CACNB2: variants seen among roughly 807,000 people sequenced by gnomAD.
CACNB2 encodes calcium voltage-gated channel auxiliary subunit beta 2.
In CACNB2, 42 loss-of-function variants were observed where a neutral mutation model predicts 73.3. That is an observed-to-expected ratio of 0.57 (90% CI 0.45 to 0.74). CACNB2 has a LOEUF of 0.74. Ranked by LOEUF, CACNB2 falls within the 30% of genes least tolerant of loss-of-function variation. The pLI, the probability that CACNB2 is intolerant of heterozygous loss-of-function variation, is 0.00. For synonymous variants in CACNB2, 348 were observed against 310.3 expected (o/e 1.12, Z -1.28); for missense variants, 940 against 853.0 (o/e 1.10, Z -1.27).
chr10:18,448,378 G>T (rs1038177325), intron 3 of CACNB2, among the ~76,000 whole-genome samples: 2 of 151,336 alleles, frequency 1.3e-5, no homozygotes, highest in Admixed American at 1.3e-4. Flanking sequence ...GGAGCTCTGA[G>T]GCAGGAGAAT....
intron 3 of CACNB2, among the ~76,000 whole-genome samples, chr10:18,455,490 TTC>T (rs1445809722): frequency 2.0e-5 from 3 of 152,350 alleles, no homozygotes; most frequent in African/African-American, 7.2e-5. Flanking sequence ...TGGAGGTTAA[TTC>T]TGTTGGGAAC....
intron 3 of CACNB2, among the ~76,000 whole-genome samples, chr10:18,471,286 A>G (rs1202714276): frequency 6.6e-6 from 1 of 152,230 alleles, no homozygotes; most frequent in Non-Finnish European, 1.5e-5. Flanking sequence ...AGCCTGGGCA[A>G]CAAGAGTGAA....
At chr10:18,458,800 C>T (rs1350693079) in intron 3 of CACNB2, among the ~76,000 whole-genome samples, 2 of 139,482 alleles carry the variant, frequency 1.4e-5, no homozygotes, top group Non-Finnish European at 3.0e-5. Flanking sequence ...GAGTCTCACT[C>T]TGTTGCCTAG....
At chr10:18,448,604 T>C (rs919752711) in intron 3 of CACNB2, among the ~76,000 whole-genome samples, 5 of 152,110 alleles carry the variant, frequency 3.3e-5, no homozygotes, top group African/African-American at 7.2e-5. Context: ...AGAGTCTCTG[T>C]TCATCAGAAA....
At chr10:18,442,044 C>G (rs143046023) in intron 3 of CACNB2, among the ~76,000 whole-genome samples, 193 of 152,256 alleles carry the variant, frequency 1.3e-3, no homozygotes, top group African/African-American at 4.4e-3. Context: ...TAGAACTTTC[C>G]TTGATTGAAA....
At chr10:18,517,332 CA>C (rs1412926020) in intron 7 of CACNB2, among the ~76,000 whole-genome samples, 3 of 152,068 alleles carry the variant, frequency 2.0e-5, no homozygotes, top group Admixed American at 6.5e-5. Context: ...TTTATGCTAT[CA>C]AAAGAGCCAA....
At chr10:18,149,428 G>C (rs1487968278) in intron 1 of CACNB2, among the ~76,000 whole-genome samples, 1 of 152,300 alleles carries the variant, frequency 6.6e-6, no homozygotes, top group East Asian at 1.9e-4. Context: ...ATGAAGTTGA[G>C]AGTTAATTAA....
At chr10:18,463,712 G>A (rs1176959640) in intron 3 of CACNB2, among the ~76,000 whole-genome samples, 1 of 151,958 alleles carries the variant, frequency 6.6e-6, no homozygotes, top group East Asian at 1.9e-4. Context: ...ATTAGAGGTG[G>A]GAGCCACCGT....
chr10:18,514,520 A>C (rs1204954300), intron 7 of CACNB2, 151 bp downstream of exon 7: 1 of 1,613,842 alleles, frequency 6.2e-7, no homozygotes, highest in Non-Finnish European at 8.5e-7. Context: ...GCTAAGCAGA[A>C]GCAGAAATCG....
At chr10:18,310,605 C>CAAAAAAAAAAAAA (rs1157466238) in intron 2 of CACNB2, among the ~76,000 whole-genome samples, 18 of 36,854 alleles carry the variant, frequency 4.9e-4, no homozygotes, top group East Asian at 2.5e-3. Context: ...AACTCCATCT[C>CAAAAAAAAAAAAA]AAAAAAAAAA....
intron 3 of CACNB2, among the ~76,000 whole-genome samples, chr10:18,491,382 A>G (rs568373864): frequency 1.2e-4 from 18 of 152,318 alleles, no homozygotes; most frequent in African/African-American, 4.3e-4. Context: ...CCAGGAGTTC[A>G]AGACCAGCCT....
chr10:18,291,317 C>T (rs2039059947), intron 2 of CACNB2, among the ~76,000 whole-genome samples: 2 of 152,216 alleles, frequency 1.3e-5, no homozygotes, highest in Non-Finnish European at 2.9e-5. Flanking sequence ...TAAGTGGTAG[C>T]TACCAAGCTT....
intron 2 of CACNB2, among the ~76,000 whole-genome samples, chr10:18,179,437 T>C (rs2033766357): frequency 6.6e-6 from 1 of 152,204 alleles, no homozygotes; most frequent in Admixed American, 6.5e-5. Flanking sequence ...TCTTTCCATT[T>C]AGTCTGTAAC....
At chr10:18,261,368 G>C in intron 2 of CACNB2, 1 of 1,551,322 alleles carries the variant, frequency 6.4e-7, no homozygotes, top group Non-Finnish European at 8.7e-7. Flanking sequence ...AATACTATTC[G>C]TGTCTGTCTG....
intron 7 of CACNB2, 86 bp from the exon 8 acceptor site, chr10:18,518,250 T>C (rs1321219411): frequency 1.0e-5 from 9 of 888,374 alleles, no homozygotes; most frequent in South Asian, 2.6e-5. Flanking sequence ...CCTCATATTA[T>C]GGAGTTCAGA....
At chr10:18,230,143 A>G (rs1041427921) in intron 2 of CACNB2, among the ~76,000 whole-genome samples, 3 of 152,190 alleles carry the variant, frequency 2.0e-5, no homozygotes, top group African/African-American at 7.2e-5. Context: ...AGTTGGTTCA[A>G]AAGGGCTAAC....
chr10:18,519,718 A>G (rs2051657806), intron 9 of CACNB2: 4 of 455,906 alleles, frequency 8.8e-6, no homozygotes, highest in African/African-American at 2.0e-5. Context: ...TCTTTACAGG[A>G]AGATTCCTTG....
chr10:18,382,085 G>A (rs2043043527), intron 2 of CACNB2, among the ~76,000 whole-genome samples: 1 of 151,946 alleles, frequency 6.6e-6, no homozygotes, highest in South Asian at 2.1e-4. Flanking sequence ...AATGATATAT[G>A]GTGGACCTCT....
At chr10:18,237,451 C>G (rs1047738996) in intron 2 of CACNB2, among the ~76,000 whole-genome samples, 1 of 152,252 alleles carries the variant, frequency 6.6e-6, no homozygotes, top group African/African-American at 2.4e-5. Flanking sequence ...CAAGGAATGT[C>G]AAGGACTGCT....
Sources: gnomAD v4.1 joint callset for allele counts (sites outside exome capture counted in the v4.1 genomes callset) on GRCh38, gnomAD v4.1.1 for gene constraint, MANE v1.5 for transcripts, NCBI Gene and HGNC (gene_info 2026-07-23, HGNC 2026-07-21) for gene names.